The following ARL13A variants were observed in gnomAD, a reference collection of about 807,000 sequenced individuals.
The protein encoded by ARL13A is ARF like GTPase 13A.
In ARL13A, 16 loss-of-function variants were observed where a neutral mutation model predicts 19.1. The ratio of observed to expected loss-of-function variants is 0.84; its 90% CI spans 0.57 to 1.27. ARL13A has a LOEUF of 1.27. Ranked by LOEUF, ARL13A falls within the 50% of genes most tolerant of loss-of-function variation. The pLI is 0.00. For missense variants in ARL13A, 153 were observed against 186.4 expected, an observed-to-expected ratio of 0.82 and a Z score of 1.04; for synonymous variants, 69 against 71.3, an observed-to-expected ratio of 0.97 and a Z score of 0.17.
chrX:100,984,688 T>A (rs1286424190), intron 3 of ARL13A, among the ~76,000 whole-genome samples: 1 of 111,703 alleles, frequency 9.0e-6, no homozygotes, highest in East Asian at 2.8e-4. Flanking sequence ...ACGTTTTAGT[T>A]GGAGAGACAA....
chrX:100,978,578 G>A (rs1170658924), intron 3 of ARL13A, among the ~76,000 whole-genome samples: 1 of 109,379 alleles, frequency 9.1e-6, no homozygotes, highest in Non-Finnish European at 1.9e-5. Flanking sequence ...CAGTCTATAT[G>A]TGTCTTTATA....
rs773454432 is a variant in ARL13A at position 100,987,530 on chromosome X, C to T, written c.627C>T (p.Gly209=). 7.4e-6 allele frequency: 9 copies of T among 1,211,118 alleles called. No individual in the cohort carries two copies. The highest frequency in any genetic ancestry group is 1.0e-5 in the Non-Finnish European group (9 of 895,386). The change falls in exon 6 of 8, where the codon GGC becomes GGT. Residue 209 remains glycine (G), a synonymous_variant. Coordinates refer to ENST00000450049, the MANE Select transcript of ARL13A (RefSeq NM_001162491.2). ...SSISISKNNT[G]SGERCSSHSF... is the part of the protein sequence containing the mutation. ...TCTCAATCTCCAAGAATAACACAGG[C>T]TCTGGAGAAAGATGCTCATCACACA...
intron 1 of ARL13A, among the ~76,000 whole-genome samples, chrX:100,972,558 C>T (rs1385237714): frequency 0.016 from 1,027 of 65,046 alleles, 1 homozygote; most frequent in East Asian, 0.037. Flanking sequence ...ACCTCCCTCC[C>T]GGACGGGGCG....
At chrX:100,987,619 G>A (rs1187690586) in intron 6 of ARL13A, 63 bp downstream of exon 6, 19 of 1,144,547 alleles carry the variant, frequency 1.7e-5, no homozygotes, top group African/African-American at 5.4e-5. Context: ...TCTTTCTCAC[G>A]AGCAAGGAGT....
chrX:100,990,618 T>C lies in ARL13A; in HGVS notation c.*30T>C, dbSNP rs556947408. 7.4e-5 allele frequency: 84 copies of C among 1,134,002 alleles called. 1 individual carries two copies. The highest frequency in any genetic ancestry group is 2.7e-4 in the African/African-American group (15 of 55,008). 93.5% of individuals were successfully genotyped at this position (1,134,002 alleles called of 1,213,427 possible). A position where few individuals can be genotyped will look rare whatever the true frequency, so the allele number is the denominator to read the frequency against. On this transcript the variant is annotated 3_prime_UTR_variant, in exon 8 of 8. Transcript: ENST00000450049. ...CTCAAGAAGAGTGAGATGGCATCCA[T>C]TGAGAATGAAGACCACCTTGGTAAA...
chrX:100,976,635 G>A (rs745749470), intron 3 of ARL13A, among the ~76,000 whole-genome samples: 1 of 112,016 alleles, frequency 8.9e-6, no homozygotes, highest in African/African-American at 3.2e-5. Flanking sequence ...TTTTTGAGAC[G>A]GAGTTTCACT....
intron 7 of ARL13A, among the ~76,000 whole-genome samples, chrX:100,989,290 T>C (rs5966726): frequency 0.059 from 6,572 of 111,100 alleles, 499 homozygotes; most frequent in African/African-American, 0.21. Flanking sequence ...CAAGGTGCCT[T>C]TCCTTTGGAT....
chrX:100,971,107 C>G (rs890094768), intron 1 of ARL13A, among the ~76,000 whole-genome samples: 3 of 106,714 alleles, frequency 2.8e-5, no homozygotes, highest in African/African-American at 1.0e-4. Flanking sequence ...CCTAAATTAT[C>G]CTTTTTACTT....
At position 100,988,292 on chromosome X, in the gene ARL13A, C is replaced by T. The variant is rs1216922888; in HGVS notation, c.744+9C>T. 1 of 1,205,449 alleles carries T rather than the reference C, an allele frequency of 8.3e-7. No individual in the cohort carries two copies. Among genetic ancestry groups the T allele is most frequent in the South Asian group, 1.8e-5 (1 of 55,937 alleles). On this transcript the variant is annotated intron_variant, in intron 7 of 7. Transcript: ENST00000450049. ...TAAAGTCAATCCTACAGGTAAATGG[C>T]CCTTTAAATGTTAATATTCAGTGAC...
At chrX:100,978,908 A>T (rs762604878) in intron 3 of ARL13A, among the ~76,000 whole-genome samples, 18 of 108,897 alleles carry the variant, frequency 1.7e-4, no homozygotes, top group African/African-American at 5.0e-4. Flanking sequence ...CTTATAACCC[A>T]TTTTTTTTTA....
At chrX:100,970,592 T>C (rs912801257) in intron 1 of ARL13A, among the ~76,000 whole-genome samples, 17 of 111,960 alleles carry the variant, frequency 1.5e-4, no homozygotes, top group African/African-American at 5.5e-4. Flanking sequence ...CCCCCTCATA[T>C]ACCAAAATCT....
At chrX:100,979,398 A>G (rs1360539968) in intron 3 of ARL13A, among the ~76,000 whole-genome samples, 2 of 112,161 alleles carry the variant, frequency 1.8e-5, no homozygotes, top group African/African-American at 6.5e-5. Context: ...TTTGCTGGAT[A>G]CAATATTCTA....
rs773367961 is a variant in ARL13A at position 100,987,590 on chromosome X, G to C, written c.653+34G>C. 9.2e-6 allele frequency: 11 copies of C among 1,195,442 alleles called. No individual in the cohort carries two copies. In the African/African-American group the frequency reaches 1.2e-4, roughly 13 times the overall value. On this transcript the variant is annotated intron_variant, in intron 6 of 7. Transcript: ENST00000450049. ...ATGCCGCTATGAGATTTGCTGATAAGAAAAGCTGCAGGGATCAGTCTTTCT... is the reference window on the plus strand; with the variant it reads ...ATGCCGCTATGAGATTTGCTGATAACAAAAGCTGCAGGGATCAGTCTTTCT...
At chrX:100,977,802 T>C (rs774667616) in intron 3 of ARL13A, among the ~76,000 whole-genome samples, 1 of 112,675 alleles carries the variant, frequency 8.9e-6, no homozygotes, top group South Asian at 3.7e-4. Context: ...CATAATGTAC[T>C]TGTTCTGCCC....
intron 3 of ARL13A, among the ~76,000 whole-genome samples, chrX:100,980,883 G>C (rs971798521): frequency 3.6e-5 from 4 of 111,940 alleles, no homozygotes; most frequent in African/African-American, 1.3e-4. Context: ...GTCTAGAAAT[G>C]TCATCGGGGA....
At chrX:100,975,951 A>G (rs923609769) in intron 3 of ARL13A, among the ~76,000 whole-genome samples, 4 of 111,305 alleles carry the variant, frequency 3.6e-5, no homozygotes, top group Non-Finnish European at 5.7e-5. Context: ...GCCATTTTCT[A>G]TAACAACTTC....
In ARL13A at chrX:100,982,501, AT is replaced by A. The variant is rs1309996684; in HGVS notation, c.131-3165del. The stretch of plus-strand genomic sequence containing the variant: ...AATAAATAAATAAATAAATAAATAA[AT>A]AAATAAAATGCTCTACAGGTGATCA... On this transcript the variant is annotated intron_variant, in intron 3 of 7. Coordinates refer to ENST00000450049, the MANE Select transcript of ARL13A (RefSeq NM_001162491.2). 3.7e-5 allele frequency among the ~76,000 whole-genome samples: 4 copies of A among 108,801 alleles called. No individual in the cohort carries two copies. In the East Asian group the frequency reaches 1.1e-3, roughly 31 times the overall value. The allele number at this position is 108,801 out of a possible 115,157, so 94.5% of individuals were successfully genotyped here. A position where few individuals can be genotyped will look rare whatever the true frequency, so the allele number is the denominator to read the frequency against.
At chrX:100,981,139 T>C (rs935890351) in intron 3 of ARL13A, among the ~76,000 whole-genome samples, 10 of 111,558 alleles carry the variant, frequency 9.0e-5, no homozygotes, top group African/African-American at 3.3e-4. Flanking sequence ...GCACCAGGAC[T>C]TGTCCAGGAA....
intron 3 of ARL13A, among the ~76,000 whole-genome samples, chrX:100,984,731 A>AACAG (rs1321640175): frequency 7.1e-5 from 8 of 112,175 alleles, no homozygotes; most frequent in African/African-American, 2.6e-4. Flanking sequence ...GGACCAGCTC[A>AACAG]ACAGACCATG....
Sources: allele counts gnomAD v4.1 joint callset (sites outside exome capture counted in the v4.1 genomes callset), GRCh38; gene constraint gnomAD v4.1.1; transcripts MANE v1.5; gene names NCBI Gene and HGNC (gene_info 2026-07-23, HGNC 2026-07-21).